The following BLTP3B variants were observed in gnomAD, a reference collection of about 807,000 sequenced individuals.
BLTP3B encodes the protein UHRF1 (ICBP90) binding protein 1-like.
chr12:100,037,564 T>C, the BLTP3B span: 7 of 1,560,954 alleles, frequency 4.5e-6, no homozygotes, highest in Non-Finnish European at 3.4e-6. Context: ...TTCCCCTAAC[T>C]GGTAACATCC....
At chr12:100,087,014 C>A in the BLTP3B span, among the ~76,000 whole-genome samples, 3 of 152,008 alleles carry the variant, frequency 2.0e-5, no homozygotes, top group Non-Finnish European at 4.4e-5. Flanking sequence ...CAAAGATTAG[C>A]TGGGCATGGT....
At chr12:100,058,739 T>C in the BLTP3B span, 1 of 1,613,952 alleles carries the variant, frequency 6.2e-7, no homozygotes. Flanking sequence ...CAGTTACAGC[T>C]TCTACATCTT....
chr12:100,051,284 A>G, the BLTP3B span: 1 of 1,440,428 alleles, frequency 6.9e-7, no homozygotes, highest in Non-Finnish European at 9.3e-7. Flanking sequence ...CTAACACTGT[A>G]TGCTTATTTA....
chr12:100,115,986 T>C, the BLTP3B span, among the ~76,000 whole-genome samples: 1 of 151,804 alleles, frequency 6.6e-6, no homozygotes, highest in Non-Finnish European at 1.5e-5. Context: ...CTGGCCAACA[T>C]GATGAAATCC....
At chr12:100,103,792 T>C in the BLTP3B span, 1 of 821,250 alleles carries the variant, frequency 1.2e-6, no homozygotes, top group Admixed American at 3.4e-5. Flanking sequence ...CAAAATAAAA[T>C]GAAACCTAAC....
chr12:100,044,190 T>C, the BLTP3B span, among the ~76,000 whole-genome samples: 4 of 152,160 alleles, frequency 2.6e-5, no homozygotes, highest in Admixed American at 2.0e-4. Context: ...TAAGCTATCC[T>C]CTTCACCTGA....
the BLTP3B span, chr12:100,051,046 A>C: frequency 6.2e-7 from 1 of 1,606,192 alleles, no homozygotes; most frequent in East Asian, 2.2e-5. Flanking sequence ...GGTGGCATTT[A>C]TCTTCATAGA....
chr12:100,139,202 C>T, the BLTP3B span, among the ~76,000 whole-genome samples: 3 of 152,160 alleles, frequency 2.0e-5, no homozygotes, highest in Non-Finnish European at 4.4e-5. Context: ...TACAAACTAA[C>T]AATTAGGCAA....
At chr12:100,124,091 C>T in the BLTP3B span, among the ~76,000 whole-genome samples, 1 of 151,986 alleles carries the variant, frequency 6.6e-6, no homozygotes, top group African/African-American at 2.4e-5. Flanking sequence ...ATAGCAAGAC[C>T]CCATCTCTAC....
chr12:100,047,037 TAGAGGCC>T, the BLTP3B span, among the ~76,000 whole-genome samples: 2 of 152,110 alleles, frequency 1.3e-5, no homozygotes, highest in Non-Finnish European at 2.9e-5. Context: ...TTTTCCAGGG[TAGAGGCC>T]AGTACATATA....
the BLTP3B span, among the ~76,000 whole-genome samples, chr12:100,070,879 GC>G: frequency 6.6e-6 from 1 of 152,038 alleles, no homozygotes; most frequent in East Asian, 1.9e-4. Flanking sequence ...GGTGGTGCAT[GC>G]CTGTAGTCCC....
At chr12:100,124,722 A>G in the BLTP3B span, among the ~76,000 whole-genome samples, 1 of 150,528 alleles carries the variant, frequency 6.6e-6, no homozygotes, top group East Asian at 2.0e-4. Flanking sequence ...CTCTAGCCTG[A>G]GAAACAGAGT....
At chr12:100,043,872 G>T in the BLTP3B span, among the ~76,000 whole-genome samples, 2 of 152,184 alleles carry the variant, frequency 1.3e-5, no homozygotes, top group South Asian at 4.1e-4. Context: ...TCAGTATCTT[G>T]TTGGGGAGAT....
At chr12:100,062,191 T>C in the BLTP3B span, among the ~76,000 whole-genome samples, 2 of 152,226 alleles carry the variant, frequency 1.3e-5, no homozygotes, top group Non-Finnish European at 2.9e-5. Context: ...ATTTCTGTTG[T>C]TTAAGCTGCA....
the BLTP3B span, among the ~76,000 whole-genome samples, chr12:100,067,179 A>G: frequency 2.0e-5 from 3 of 152,174 alleles, no homozygotes; most frequent in East Asian, 5.8e-4. Flanking sequence ...CCTTTGGGAC[A>G]CAGCAAAGGT....
At chr12:100,051,486 T>G in the BLTP3B span, 2 of 290,574 alleles carry the variant, frequency 6.9e-6, no homozygotes, top group African/African-American at 2.2e-5. Flanking sequence ...TTTTAAAAAA[T>G]GCCATAAAAA....
chr12:100,115,625 C>T, the BLTP3B span, among the ~76,000 whole-genome samples: 1 of 151,940 alleles, frequency 6.6e-6, no homozygotes, highest in African/African-American at 2.4e-5. Context: ...TTTAAATTAG[C>T]TAGGCACGGT....
the BLTP3B span, among the ~76,000 whole-genome samples, chr12:100,054,273 G>A: frequency 2.1e-4 from 32 of 152,222 alleles, no homozygotes; most frequent in African/African-American, 7.7e-4. Context: ...ATGATAAAAA[G>A]TAGGTTACAA....
the BLTP3B span, among the ~76,000 whole-genome samples, chr12:100,094,437 C>T: frequency 1.6e-4 from 25 of 152,282 alleles, no homozygotes; most frequent in African/African-American, 6.0e-4. Context: ...ATATTTGACT[C>T]ACCATTATTC....
Sources: gnomAD v4.1 joint callset for allele counts (sites outside exome capture counted in the v4.1 genomes callset) on GRCh38, gnomAD v4.1.1 for gene constraint, MANE v1.5 for transcripts, NCBI Gene and HGNC (gene_info 2026-07-23, HGNC 2026-07-21) for gene names.